The following NKAIN2 variants were observed in gnomAD, a reference collection of about 807,000 sequenced individuals.
NKAIN2 encodes the protein sodium/potassium-transporting ATPase subunit beta-1-interacting protein 2.
Under a neutral mutation model 32.6 loss-of-function variants are expected in NKAIN2, and 14 were observed. The ratio of observed to expected loss-of-function variants is 0.43; its 90% CI spans 0.28 to 0.67. NKAIN2 has a LOEUF of 0.67. Among genes scored for constraint, NKAIN2 ranks in the 30% least tolerant of loss-of-function variants. NKAIN2 has a pLI of 0.17. For synonymous variants in NKAIN2, 80 were observed against 87.2 expected (o/e 0.92, Z 0.46); for missense variants, 198 against 258.3 (o/e 0.77, Z 1.60).
In NKAIN2 at chr6:124,584,608, G is replaced by A. The variant is rs373692100; in HGVS notation, c.274-73578G>A. 1.3e-4 allele frequency among the ~76,000 whole-genome samples: 20 copies of A among 148,960 alleles called. No homozygotes were observed. The East Asian group carries it at 1.6e-3, about 12-fold the overall frequency. ...GTGGAGGTTGCAGTGAGCCGAGATC[G>A]TGTCATTGCACTCCAGCCTGGGCAA... is the stretch of plus-strand genomic sequence containing the variant. On this transcript the variant is annotated intron_variant, in intron 3 of 6. Transcript: ENST00000368417.
In NKAIN2 at chr6:124,671,096, G is replaced by A. The variant is rs375317428; in HGVS notation, c.474+12710G>A. ...GCTGTACCAAACAGAGCAGAACCAC[G>A]AAGGATGTGATTTGTTCCATTTAAC... On this transcript the variant is annotated intron_variant, in intron 4 of 6. Coordinates refer to ENST00000368417, the MANE Select transcript of NKAIN2 (RefSeq NM_001040214.3). 4.6e-5 allele frequency among the ~76,000 whole-genome samples: 7 copies of A among 152,044 alleles called. No homozygotes were observed. In the East Asian group the frequency reaches 1.2e-3, roughly 25 times the overall value.
intron 1 of NKAIN2, among the ~76,000 whole-genome samples, chr6:124,224,396 T>C (rs535503843): frequency 1.3e-5 from 2 of 152,156 alleles, no homozygotes; most frequent in Non-Finnish European, 2.9e-5. Context: ...AAAAGCTGTT[T>C]TGTGCCTTTT....
At chr6:124,349,533 T>C (rs1442763464) in intron 2 of NKAIN2, among the ~76,000 whole-genome samples, 1 of 152,190 alleles carries the variant, frequency 6.6e-6, no homozygotes. Context: ...ATATAGATAA[T>C]ATTAGGAGAG....
intron 2 of NKAIN2, among the ~76,000 whole-genome samples, chr6:124,308,770 G>A (rs927049706): frequency 1.2e-4 from 18 of 152,076 alleles, no homozygotes; most frequent in African/African-American, 4.3e-4. Context: ...GTACTGGTTG[G>A]CACCTATTTC....
intron 1 of NKAIN2, among the ~76,000 whole-genome samples, chr6:124,078,265 G>T (rs1246761292): frequency 6.6e-6 from 1 of 151,834 alleles, no homozygotes; most frequent in Admixed American, 6.6e-5. Context: ...TTTTACAGTT[G>T]TTGCTTTTCA....
intron 1 of NKAIN2, among the ~76,000 whole-genome samples, chr6:123,808,748 C>T (rs1773329098): frequency 6.6e-6 from 1 of 152,140 alleles, no homozygotes. Context: ...TGGGTAATGA[C>T]CCAGAAATGC....
intron 1 of NKAIN2, among the ~76,000 whole-genome samples, chr6:124,000,374 TA>T (rs1374707090): frequency 6.6e-6 from 1 of 152,052 alleles, no homozygotes; most frequent in African/African-American, 2.4e-5. Context: ...ATTTGTCTTG[TA>T]TTTACCTTGG....
At chr6:124,536,170 G>T (rs912726990) in intron 3 of NKAIN2, among the ~76,000 whole-genome samples, 3 of 152,172 alleles carry the variant, frequency 2.0e-5, no homozygotes, top group African/African-American at 4.8e-5. Flanking sequence ...CATAACAGGA[G>T]AAATGAGAAA....
At chr6:124,479,473 T>G (rs1300469685) in intron 3 of NKAIN2, among the ~76,000 whole-genome samples, 1 of 152,172 alleles carries the variant, frequency 6.6e-6, no homozygotes, top group Non-Finnish European at 1.5e-5. Flanking sequence ...TCACCGAGTT[T>G]GCCCTGATCT....
At chr6:124,763,941 C>G (rs1778386921) in intron 4 of NKAIN2, among the ~76,000 whole-genome samples, 2 of 152,178 alleles carry the variant, frequency 1.3e-5, no homozygotes, top group South Asian at 4.1e-4. Flanking sequence ...CCAAACTTAG[C>G]TGAAATTTTC....
chr6:124,111,438 C>T (rs1336941256), intron 1 of NKAIN2, among the ~76,000 whole-genome samples: 6 of 151,652 alleles, frequency 4.0e-5, no homozygotes, highest in Non-Finnish European at 5.9e-5. Flanking sequence ...ACGCATTGAC[C>T]CTTTTATCAT....
At chr6:124,811,013 C>G (rs1582566202) in intron 5 of NKAIN2, among the ~76,000 whole-genome samples, 2 of 151,578 alleles carry the variant, frequency 1.3e-5, no homozygotes, top group East Asian at 3.9e-4. Context: ...CTGCCACCAA[C>G]TAGAGCTTAG....
chr6:124,643,620 C>G (rs566628449), intron 3 of NKAIN2, among the ~76,000 whole-genome samples: 1 of 152,194 alleles, frequency 6.6e-6, no homozygotes, highest in East Asian at 1.9e-4. Flanking sequence ...ATCATTATGG[C>G]CTGGTAAGGT....
intron 4 of NKAIN2, among the ~76,000 whole-genome samples, chr6:124,747,847 C>T (rs964376178): frequency 1.3e-5 from 2 of 151,724 alleles, no homozygotes; most frequent in African/African-American, 4.8e-5. Context: ...CAATTCAAAG[C>T]AAAAATTGAA....
intron 1 of NKAIN2, among the ~76,000 whole-genome samples, chr6:124,085,360 A>G (rs948361044): frequency 2.6e-4 from 39 of 152,082 alleles, no homozygotes; most frequent in African/African-American, 8.7e-4. Context: ...TGGCCAGTCA[A>G]GAACCACTGT....
chr6:124,155,985 C>T (rs1221784567), intron 1 of NKAIN2, among the ~76,000 whole-genome samples: 1 of 149,846 alleles, frequency 6.7e-6, no homozygotes, highest in African/African-American at 2.5e-5. Flanking sequence ...AAAAGGGATA[C>T]TAGGCCCCAT....
chr6:124,282,608 C>G (rs759756079), intron 1 of NKAIN2, among the ~76,000 whole-genome samples: 1 of 152,210 alleles, frequency 6.6e-6, no homozygotes, highest in African/African-American at 2.4e-5. Context: ...TTCCTTTGTT[C>G]TATTCTCAAC....
intron 1 of NKAIN2, among the ~76,000 whole-genome samples, chr6:123,890,126 A>C (rs1249965216): frequency 6.6e-6 from 1 of 152,118 alleles, no homozygotes. Context: ...CTTAAAAAAT[A>C]GAGCAGTTTA....
At chr6:124,389,715 TTGTGTGTGTGTGTG>T (rs3052704) in intron 3 of NKAIN2, among the ~76,000 whole-genome samples, 3 of 141,906 alleles carry the variant, frequency 2.1e-5, no homozygotes, top group African/African-American at 5.5e-5. Context: ...CTGTGTACAT[TTGTGTGTGTGTGTG>T]TGTGTGTGTG....
Sources: gnomAD v4.1 joint callset for allele counts (sites outside exome capture counted in the v4.1 genomes callset) on GRCh38, gnomAD v4.1.1 for gene constraint, MANE v1.5 for transcripts, NCBI Gene and HGNC (gene_info 2026-07-23, HGNC 2026-07-21) for gene names.